Variants in KCNIP4 observed in about 807,000 individuals in gnomAD.
The protein encoded by KCNIP4 is Kv channel-interacting protein 4.
KCNIP4 carries 12 observed loss-of-function variants against 34.0 expected under a neutral mutation model. The observed-to-expected ratio is 0.35, with a 90% CI of 0.23 to 0.57. The LOEUF is 0.57. Ranked by LOEUF, KCNIP4 falls within the 20% of genes least tolerant of loss-of-function variation. KCNIP4 has a pLI of 0.83. For missense variants in KCNIP4, 238 were observed against 311.7 expected, an observed-to-expected ratio of 0.76 and a Z score of 1.78; for synonymous variants, 124 against 102.2, an observed-to-expected ratio of 1.21 and a Z score of -1.29.
At chr4:21,476,639 A>C (rs557048787) in intron 1 of KCNIP4, among the ~76,000 whole-genome samples, 84 of 152,166 alleles carry the variant, frequency 5.5e-4, no homozygotes, top group Non-Finnish European at 1.1e-3. Context: ...CGGCAACCCA[A>C]TAAATCCCTA....
chr4:21,651,623 G>A (rs1383323756), intron 1 of KCNIP4, among the ~76,000 whole-genome samples: 1 of 152,086 alleles, frequency 6.6e-6, no homozygotes, highest in Non-Finnish European at 1.5e-5. Context: ...TGACTCAAAA[G>A]GGCTTTACAT....
intron 1 of KCNIP4, among the ~76,000 whole-genome samples, chr4:21,076,102 G>A (rs1056361384): frequency 1.3e-5 from 2 of 152,110 alleles, no homozygotes; most frequent in Non-Finnish European, 2.9e-5. Context: ...TGGTGAATCT[G>A]ACAATTATGT....
chr4:21,363,426 T>A (rs991990049), intron 1 of KCNIP4, among the ~76,000 whole-genome samples: 4 of 152,166 alleles, frequency 2.6e-5, no homozygotes, highest in African/African-American at 9.7e-5. Context: ...TAGACATATC[T>A]TCATGACAAA....
At chr4:21,263,477 T>A (rs1327593807) in intron 1 of KCNIP4, among the ~76,000 whole-genome samples, 1 of 152,074 alleles carries the variant, frequency 6.6e-6, no homozygotes, top group Non-Finnish European at 1.5e-5. Context: ...AATAATTAAG[T>A]TAAAAGACTA....
chr4:21,795,789 C>T (rs1446703483), intron 1 of KCNIP4, among the ~76,000 whole-genome samples: 2 of 152,064 alleles, frequency 1.3e-5, no homozygotes, highest in Non-Finnish European at 2.9e-5. Flanking sequence ...ATAAATTTCC[C>T]GGGTGTGGTG....
intron 3 of KCNIP4, among the ~76,000 whole-genome samples, chr4:20,760,913 C>CA (rs1412102919): frequency 4.6e-5 from 7 of 152,120 alleles, no homozygotes; most frequent in Non-Finnish European, 4.4e-5. Flanking sequence ...CCATAGTGTC[C>CA]AAGTGTTTGG....
intron 1 of KCNIP4, among the ~76,000 whole-genome samples, chr4:21,230,161 C>T (rs543201526): frequency 1.4e-4 from 22 of 152,000 alleles, no homozygotes; most frequent in Non-Finnish European, 8.8e-5. Flanking sequence ...AAGACAGAGG[C>T]GGAAACTGGA....
intron 1 of KCNIP4, among the ~76,000 whole-genome samples, chr4:21,385,081 C>G (rs745684743): frequency 6.6e-6 from 1 of 152,130 alleles, no homozygotes; most frequent in Non-Finnish European, 1.5e-5. Context: ...ACAGACAGTA[C>G]TAGAAGCAAC....
chr4:21,148,824 C>T (rs1752569284), intron 1 of KCNIP4, among the ~76,000 whole-genome samples: 2 of 152,120 alleles, frequency 1.3e-5, no homozygotes, highest in African/African-American at 4.8e-5. Flanking sequence ...CTCTGAGTGG[C>T]AATATGAATG....
chr4:21,478,431 G>A (rs1166738647), intron 1 of KCNIP4, among the ~76,000 whole-genome samples: 7 of 152,052 alleles, frequency 4.6e-5, no homozygotes, highest in Non-Finnish European at 8.8e-5. Context: ...AGGCAGTAAG[G>A]TTCTTTTTAA....
chr4:21,546,808 A>G (rs1203303945), intron 1 of KCNIP4, among the ~76,000 whole-genome samples: 1 of 152,082 alleles, frequency 6.6e-6, no homozygotes, highest in Admixed American at 6.6e-5. Flanking sequence ...ACCATAGAAC[A>G]TCAAGCTGAA....
intron 1 of KCNIP4, among the ~76,000 whole-genome samples, chr4:21,734,681 T>A (rs1715859880): frequency 6.6e-6 from 1 of 152,170 alleles, no homozygotes; most frequent in Admixed American, 6.6e-5. Context: ...AAAGTGGTTA[T>A]AAATATAAAT....
intron 1 of KCNIP4, among the ~76,000 whole-genome samples, chr4:21,244,225 T>C (rs539925420): frequency 6.6e-6 from 1 of 152,332 alleles, no homozygotes; most frequent in South Asian, 2.1e-4. Flanking sequence ...ATCAGCATAA[T>C]TGGGATAGTC....
intron 3 of KCNIP4, among the ~76,000 whole-genome samples, chr4:20,807,726 C>T (rs966079854): frequency 6.6e-6 from 1 of 152,044 alleles, no homozygotes; most frequent in Non-Finnish European, 1.5e-5. Context: ...ACATTTCTAC[C>T]TACTGAAAAA....
At position 21,693,434 on chromosome 4, in the gene KCNIP4, G is replaced by A. The variant is rs143423006; in HGVS notation, c.61+255137C>T. Among the ~76,000 whole-genome samples, 1,167 of 152,052 alleles carry A rather than the reference G, an allele frequency of 7.7e-3. 9 individuals are homozygous for A. The highest frequency in any genetic ancestry group is 0.024 in the African/African-American group (1,011 of 41,474). ...AAATTAGCAGAGCTTGGTGGAGAGCGCCTGTAATCCCAGCTACTCGGGAGG... is the reference window on the plus strand; with the variant it reads ...AAATTAGCAGAGCTTGGTGGAGAGCACCTGTAATCCCAGCTACTCGGGAGG... On this transcript the variant is annotated intron_variant, in intron 1 of 8. Transcript: ENST00000382152.
At chr4:21,452,801 GA>G (rs894201715) in intron 1 of KCNIP4, among the ~76,000 whole-genome samples, 8 of 149,938 alleles carry the variant, frequency 5.3e-5, no homozygotes, top group African/African-American at 2.0e-4. Flanking sequence ...AAAAAAAACA[GA>G]AAAAAAGAAG....
chr4:21,814,552 T>C (rs1721876142), intron 1 of KCNIP4, among the ~76,000 whole-genome samples: 1 of 152,156 alleles, frequency 6.6e-6, no homozygotes. Context: ...TGTAAGTCAA[T>C]TAAACCTCTT....
chr4:20,775,486 AG>A (rs1173093683), intron 3 of KCNIP4, among the ~76,000 whole-genome samples: 1 of 149,152 alleles, frequency 6.7e-6, no homozygotes, highest in Non-Finnish European at 1.5e-5. Flanking sequence ...GGATTGCTTG[AG>A]GCCAGGAGTC....
At chr4:21,465,564 A>C (rs1348868823) in intron 1 of KCNIP4, among the ~76,000 whole-genome samples, 1 of 152,156 alleles carries the variant, frequency 6.6e-6, no homozygotes, top group East Asian at 1.9e-4. Flanking sequence ...AATTTTGTTG[A>C]TATATCTGAA....
Sources: allele counts gnomAD v4.1 joint callset (sites outside exome capture counted in the v4.1 genomes callset), GRCh38; gene constraint gnomAD v4.1.1; transcripts MANE v1.5; gene names NCBI Gene and HGNC (gene_info 2026-07-23, HGNC 2026-07-21).